CPS1: variants seen among roughly 807,000 people sequenced by gnomAD.
CPS1 encodes the protein carbamoyl-phosphate synthase 1.
Under a neutral mutation model 174.6 loss-of-function variants are expected in CPS1, and 109 were observed. The ratio of observed to expected loss-of-function variants is 0.62; its 90% CI spans 0.53 to 0.73. The LOEUF (loss-of-function observed/expected upper bound fraction) is 0.73. Ranked by LOEUF, CPS1 falls within the 30% of genes least tolerant of loss-of-function variation. CPS1 has a pLI of 0.00. For synonymous variants in CPS1, 637 were observed against 632.0 expected (o/e 1.01, Z -0.12); for missense variants, 1,689 against 1,821.9 (o/e 0.93, Z 1.33).
At chr2:210,652,824 A>G (rs555805970) in intron 28 of CPS1, among the ~76,000 whole-genome samples, 1 of 152,314 alleles carries the variant, frequency 6.6e-6, no homozygotes, top group East Asian at 1.9e-4. Flanking sequence ...AGATTTGAGA[A>G]TGAAAGCAAT....
intron 6 of CPS1, among the ~76,000 whole-genome samples, chr2:210,584,006 G>A (rs1017415000): frequency 6.6e-6 from 1 of 152,066 alleles, no homozygotes; most frequent in Non-Finnish European, 1.5e-5. Context: ...CTCAGCTAAG[G>A]ATTTCAACTA....
At chr2:210,505,648 G>A (rs1214998836) in intron 1 of CPS1, among the ~76,000 whole-genome samples, 1 of 152,160 alleles carries the variant, frequency 6.6e-6, no homozygotes, top group African/African-American at 2.4e-5. Context: ...GCCAGGGAAA[G>A]GGGTGACAGA....
At chr2:210,622,107 T>G (rs1289456111) in intron 21 of CPS1, among the ~76,000 whole-genome samples, 1 of 151,572 alleles carries the variant, frequency 6.6e-6, no homozygotes, top group Non-Finnish European at 1.5e-5. Context: ...ATAATTATAT[T>G]CTTATATACT....
chr2:210,545,340 T>C (rs1237218289), intron 1 of CPS1, among the ~76,000 whole-genome samples: 1 of 151,994 alleles, frequency 6.6e-6, no homozygotes, highest in Admixed American at 6.6e-5. Context: ...TGATAAGGAG[T>C]TCTGGAGAAA....
At chr2:210,593,550 C>T (rs537038137) in intron 11 of CPS1, 1 of 985,394 alleles carries the variant, frequency 1.0e-6, no homozygotes. Flanking sequence ...TTGTTCAAAC[C>T]CATCTTTCCA....
chr2:210,477,720 G>A (rs1229371538), exon 1 of CPS1: 1 of 1,609,752 alleles, frequency 6.2e-7, no homozygotes. Context: ...AAATGTAGTT[G>A]CTTTCTTAAC....
At chr2:210,602,995 A>G (rs1698779481) in intron 16 of CPS1, among the ~76,000 whole-genome samples, 1 of 152,018 alleles carries the variant, frequency 6.6e-6, no homozygotes, top group Non-Finnish European at 1.5e-5. Flanking sequence ...TGAGAAAAGT[A>G]AGCTATGCTA....
At position 210,675,853 on chromosome 2, in the gene CPS1, C is replaced by T; in HGVS notation, c.4274+13C>T. The T allele has an allele frequency of 1.7e-6, 2 of 1,152,800 alleles. No individual in the cohort carries two copies. The highest frequency in any genetic ancestry group is 2.6e-6 in the Non-Finnish European group (2 of 758,790). 71.4% of individuals were successfully genotyped at this position (1,152,800 alleles called of 1,614,324 possible). A position where few individuals can be genotyped will look rare whatever the true frequency, so the allele number is the denominator to read the frequency against. The stretch of plus-strand genomic sequence containing the variant: ...CTTCCATCAGAAAGTAAGAACTAGG[C>T]ATACTGTTTTCTGAAATAATTTAGA... On this transcript the variant is annotated intron_variant, in intron 36 of 37. Coordinates refer to ENST00000233072, the MANE Select transcript of CPS1 (RefSeq NM_001875.5).
chr2:210,585,704 C>T (rs1698086430), intron 6 of CPS1, among the ~76,000 whole-genome samples: 1 of 151,932 alleles, frequency 6.6e-6, no homozygotes. Flanking sequence ...AGTAACCATC[C>T]TTATACTACC....
intron 1 of CPS1, among the ~76,000 whole-genome samples, chr2:210,501,988 T>C (rs1044770906): frequency 1.3e-5 from 2 of 152,218 alleles, no homozygotes; most frequent in African/African-American, 4.8e-5. Flanking sequence ...TGGAGAGCCC[T>C]CAAGAAACTT....
In CPS1 at chr2:210,559,785, G is replaced by T. The variant is rs575941113; in HGVS notation, c.126+2926G>T. Among the ~76,000 whole-genome samples the T allele has an allele frequency of 1.3e-5, 2 of 152,054 alleles. 1 individual carries two copies. The highest frequency in any genetic ancestry group is 4.1e-4 in the South Asian group (2 of 4,832). Reference sequence around the variant, plus strand: ...CAAGTCACATATTCTCTGAACCTAAGTTTTGTCATCTGTATAGTGCAAATG... The same window carrying T: ...CAAGTCACATATTCTCTGAACCTAATTTTTGTCATCTGTATAGTGCAAATG... On this transcript the variant is annotated intron_variant, in intron 1 of 37. Transcript: ENST00000233072.
chr2:210,581,664 A>T (rs1024816965), intron 5 of CPS1, among the ~76,000 whole-genome samples: 1 of 152,192 alleles, frequency 6.6e-6, no homozygotes, highest in Non-Finnish European at 1.5e-5. Context: ...GGTGGTTTTT[A>T]GGTAGTGTTC....
At chr2:210,548,132 AT>A (rs1696611808) in intron 1 of CPS1, among the ~76,000 whole-genome samples, 1 of 152,028 alleles carries the variant, frequency 6.6e-6, no homozygotes, top group African/African-American at 2.4e-5. Flanking sequence ...TGAGTTATAT[AT>A]TTTTATGCCA....
At chr2:210,517,337 T>C (rs928588144) in intron 1 of CPS1, among the ~76,000 whole-genome samples, 1 of 151,988 alleles carries the variant, frequency 6.6e-6, no homozygotes, top group African/African-American at 2.4e-5. Context: ...AGCACAGGCA[T>C]AGGTCAGAAG....
chr2:210,637,806 T>G lies in CPS1; in HGVS notation c.2792T>G (p.Leu931Arg). Residue 931 changes from leucine to arginine, a missense_variant, in exon 22 of 38, where the codon CTG becomes CGG. Physicochemically the swap from Leu to Arg is moderately radical, Grantham distance 102. Transcript: ENST00000233072. The stretch of plus-strand genomic sequence containing the variant: ...CTCACTGAGGCCCAGACAAGGGAGC[T>G]GAGGTTAAAGAAAAACATCCACCCT... ...LGLTEAQTRE[L>R]RLKKNIHPWV... The G allele has an allele frequency of 1.9e-6, 3 of 1,613,996 alleles. No homozygotes were observed. The highest frequency in any genetic ancestry group is 2.5e-6 in the Non-Finnish European group (3 of 1,179,906).
intron 31 of CPS1, among the ~76,000 whole-genome samples, chr2:210,660,054 G>T (rs1009024066): frequency 5.9e-5 from 9 of 152,132 alleles, no homozygotes; most frequent in Non-Finnish European, 1.3e-4. Flanking sequence ...TGATTTTACT[G>T]AGTAAAATGG....
intron 1 of CPS1, among the ~76,000 whole-genome samples, chr2:210,545,557 C>T (rs555214872): frequency 9.6e-4 from 146 of 151,976 alleles, no homozygotes; most frequent in African/African-American, 3.4e-3. Flanking sequence ...ATTTTTTACA[C>T]GATGCCTTAT....
intron 17 of CPS1, among the ~76,000 whole-genome samples, chr2:210,605,498 A>G (rs1001197808): frequency 2.0e-5 from 3 of 151,950 alleles, no homozygotes; most frequent in Non-Finnish European, 2.9e-5. Flanking sequence ...GGTAAGCAAT[A>G]TGGTAGAAAT....
intron 1 of CPS1, among the ~76,000 whole-genome samples, chr2:210,530,485 G>T (rs1363674202): frequency 1.3e-5 from 2 of 152,048 alleles, no homozygotes; most frequent in Non-Finnish European, 1.5e-5. Flanking sequence ...ACAAGAGAGA[G>T]ATTTACATAA....
Sources: gnomAD v4.1 joint callset for allele counts (sites outside exome capture counted in the v4.1 genomes callset) on GRCh38, gnomAD v4.1.1 for gene constraint, MANE v1.5 for transcripts, NCBI Gene and HGNC (gene_info 2026-07-23, HGNC 2026-07-21) for gene names.